Variants in LDLRAP1 observed in about 807,000 individuals in gnomAD.
LDLRAP1 encodes low density lipoprotein receptor adaptor protein 1.
LDLRAP1 carries 30 observed loss-of-function variants against 37.8 expected under a neutral mutation model. That is an observed-to-expected ratio of 0.79 (90% CI 0.59 to 1.08). LDLRAP1 has a LOEUF of 1.08. Among genes scored for constraint, LDLRAP1 ranks in the 50% least tolerant of loss-of-function variants. The pLI is 0.00. For missense variants in LDLRAP1, 375 were observed against 401.6 expected (o/e 0.93, Z 0.57); for synonymous variants, 156 against 169.8 (o/e 0.92, Z 0.63).
At chr1:25,560,944 G>A (rs1456211337) in intron 4 of LDLRAP1, among the ~76,000 whole-genome samples, 2 of 152,388 alleles carry the variant, frequency 1.3e-5, no homozygotes, top group South Asian at 2.1e-4. Flanking sequence ...GCCTGGGCTT[G>A]CAGCTACCTG....
Position 25,561,112 on chromosome 1 carries a change from A to G in LDLRAP1, c.460-1532A>G, listed in dbSNP as rs112757602. ...AGCAGGCTTAAATAATGGCGTTTTC[A>G]TATCCCTGCCACATTGGGTGTCCAG... On this transcript the variant is annotated intron_variant, in intron 4 of 8. Transcript: ENST00000374338. Among the ~76,000 whole-genome samples the G allele has an allele frequency of 4.6e-3, 698 of 152,374 alleles. 6 individuals carry two copies. Among genetic ancestry groups the G allele is most frequent in the African/African-American group, 0.014 (590 of 41,580 alleles).
At chr1:25,556,074 G>A (rs1254417797) in intron 3 of LDLRAP1, among the ~76,000 whole-genome samples, 1 of 152,168 alleles carries the variant, frequency 6.6e-6, no homozygotes, top group Non-Finnish European at 1.5e-5. Context: ...CCCCTGGGAT[G>A]GAGAAGAGGT....
the LDLRAP1 span, among the ~76,000 whole-genome samples, chr1:25,587,786 A>G: frequency 6.6e-6 from 1 of 152,162 alleles, no homozygotes; most frequent in African/African-American, 2.4e-5. Flanking sequence ...GTGCAGTCAC[A>G]GCTGGGGTTC....
the LDLRAP1 span, among the ~76,000 whole-genome samples, chr1:25,575,820 G>A: frequency 2.0e-5 from 3 of 152,140 alleles, no homozygotes; most frequent in African/African-American, 4.8e-5. Context: ...ATGGGTACAG[G>A]CCCCATTTTG....
At chr1:25,579,465 G>A in the LDLRAP1 span, among the ~76,000 whole-genome samples, 2 of 152,370 alleles carry the variant, frequency 1.3e-5, no homozygotes, top group African/African-American at 4.8e-5. Context: ...CCGCTGTCAC[G>A]TGGTGATGCT....
At chr1:25,562,144 C>T (rs762288519) in intron 4 of LDLRAP1, among the ~76,000 whole-genome samples, 3 of 152,182 alleles carry the variant, frequency 2.0e-5, no homozygotes, top group Admixed American at 6.5e-5. Flanking sequence ...TGGTCCCAAC[C>T]GGAACCTAAC....
rs1318756247 is a variant in LDLRAP1 at position 25,544,433 on chromosome 1, A to G, written c.88+647A>G. Among the ~76,000 whole-genome samples the G allele has an allele frequency of 1.3e-5, 2 of 152,118 alleles. No homozygotes were observed. The highest frequency in any genetic ancestry group is 2.9e-5 in the Non-Finnish European group (2 of 68,010). ...TCTAGACCCTTACGTCCCTTCCTCT[A>G]GCCGGGTCCAGGTGGCAAGCCTGGC... On this transcript the variant is annotated intron_variant, in intron 1 of 8. Coordinates refer to ENST00000374338, the MANE Select transcript of LDLRAP1 (RefSeq NM_015627.3). The surrounding 1 kb of genome is among the most constrained non-coding windows in gnomAD (Gnocchi z 4.8).
intron 4 of LDLRAP1, among the ~76,000 whole-genome samples, chr1:25,559,753 A>G (rs2044298275): frequency 6.6e-6 from 1 of 152,114 alleles, no homozygotes; most frequent in Non-Finnish European, 1.5e-5. Flanking sequence ...TGGAAATCCT[A>G]GATTCTTGGG....
the LDLRAP1 span, among the ~76,000 whole-genome samples, chr1:25,580,422 AAAAC>A: frequency 6.6e-6 from 1 of 152,338 alleles, no homozygotes; most frequent in Non-Finnish European, 1.5e-5. Flanking sequence ...GAGTGAGAAA[AAAAC>A]AAAACAAAAC....
the LDLRAP1 span, among the ~76,000 whole-genome samples, chr1:25,587,282 G>T: frequency 6.6e-6 from 1 of 152,188 alleles, no homozygotes; most frequent in Admixed American, 6.5e-5. Context: ...CTTCCAAGTA[G>T]CTGGGACCAC....
chr1:25,551,127 A>G (rs2044062185), intron 1 of LDLRAP1, among the ~76,000 whole-genome samples: 1 of 152,112 alleles, frequency 6.6e-6, no homozygotes, highest in Non-Finnish European at 1.5e-5. Context: ...AAAGGATCAG[A>G]GGGAAGTAGA....
chr1:25,575,371 A>C, the LDLRAP1 span, among the ~76,000 whole-genome samples: 2 of 147,862 alleles, frequency 1.4e-5, no homozygotes, highest in African/African-American at 5.0e-5. Context: ...GAATCACTAG[A>C]GTCCGGAAAT....
the LDLRAP1 span, chr1:25,581,915 G>C: frequency 6.6e-6 from 1 of 152,380 alleles, no homozygotes; most frequent in East Asian, 1.9e-4. Flanking sequence ...CTGTTGTTCT[G>C]TCCTGGATGT....
chr1:25,587,728 T>C, the LDLRAP1 span, among the ~76,000 whole-genome samples: 15,661 of 152,078 alleles, frequency 0.1, 1,794 homozygotes, highest in African/African-American at 0.25. Context: ...AAAGAGTTAC[T>C]GAGAACTGCT....
chr1:25,574,896 G>A, the LDLRAP1 span, among the ~76,000 whole-genome samples: 25 of 152,266 alleles, frequency 1.6e-4, no homozygotes, highest in Non-Finnish European at 2.8e-4. Flanking sequence ...ACTTTGGCCT[G>A]TCATTGTCTG....
Position 25,554,764 on chromosome 1 carries a change from C to A in LDLRAP1, c.232-96C>A. On this transcript the variant is annotated intron_variant, in intron 2 of 8. Coordinates refer to ENST00000374338, the MANE Select transcript of LDLRAP1 (RefSeq NM_015627.3). This position sits in a 1 kb window ranked among gnomAD's most constrained non-coding sequence, Gnocchi z 5.4. ...TGCCAGTCACCTGAGCTGAGATGGG[C>A]CCCGTGCCTGGGGCTTAGGAACAGT... 2 of 932,500 alleles carry A rather than the reference C, an allele frequency of 2.1e-6. No homozygotes were observed. The highest frequency in any genetic ancestry group is 3.4e-6 in the Non-Finnish European group (2 of 587,198). The allele number at this position is 932,500 out of a possible 1,614,324, so 57.8% of individuals were successfully genotyped here.
chr1:25,550,255 G>A (rs2044042421), intron 1 of LDLRAP1, among the ~76,000 whole-genome samples: 1 of 152,210 alleles, frequency 6.6e-6, no homozygotes, highest in East Asian at 1.9e-4. Context: ...AGTCAGAGCT[G>A]TTGTTTCCCC....
rs754428155 is a variant in LDLRAP1, at chr1:25,554,036, C to T, written c.203C>T (p.Ala68Val). 2.5e-6 allele frequency: 4 copies of T among 1,614,020 alleles called. No homozygotes were observed. Among genetic ancestry groups the T allele is most frequent in the Non-Finnish European group, 3.4e-6 (4 of 1,180,012 alleles). ...CAGCCCAAGGGTGAGGAGCTGTCGG[C>T]CGCCGCCATCAAGAGGATCGTGGCT... The part of the protein sequence containing the change: ...VEQPKGEELS[A>V]AAIKRIVATA... The change falls in exon 2 of 9, where the codon GCC becomes GTC. Residue 68 changes from alanine (A) to valine (V), a missense_variant. Coordinates refer to ENST00000374338, the MANE Select transcript of LDLRAP1 (RefSeq NM_015627.3). This position sits in a 1 kb window ranked among gnomAD's most constrained non-coding sequence, Gnocchi z 5.4.
Position 25,543,689 on chromosome 1 carries a change from G to A in LDLRAP1, c.-10G>A, listed in dbSNP as rs980877854. 5 of 1,214,770 alleles carry A rather than the reference G, an allele frequency of 4.1e-6. No individual in the cohort carries two copies. The highest frequency in any genetic ancestry group is 3.3e-5 in the East Asian group (1 of 30,092). 75.2% of individuals were successfully genotyped at this position (1,214,770 alleles called of 1,614,324 possible). ...GGCTGCGGCAGCGGCGGCGGCGGCC[G>A]GAGCGGGCCATGGACGCGCTCAAGT... On this transcript the variant is annotated 5_prime_UTR_variant, in exon 1 of 9. Coordinates refer to ENST00000374338, the MANE Select transcript of LDLRAP1 (RefSeq NM_015627.3).
Sources: gnomAD v4.1 joint callset for allele counts (sites outside exome capture counted in the v4.1 genomes callset) on GRCh38, gnomAD v4.1.1 for gene constraint, Gnocchi (gnomAD v3.1) non-coding constraint, MANE v1.5 for transcripts, NCBI Gene and HGNC (gene_info 2026-07-23, HGNC 2026-07-21) for gene names.